Variants in DCAKD observed in about 807,000 individuals in gnomAD.
DCAKD encodes dephospho-CoA kinase domain containing.
In DCAKD, 15 loss-of-function variants were observed where a neutral mutation model predicts 18.7. That is an observed-to-expected ratio of 0.80 (90% CI 0.54 to 1.24). DCAKD has a LOEUF of 1.24. Among genes scored for constraint, DCAKD ranks in the 50% most tolerant of loss-of-function variants. The pLI is 0.00. For missense variants in DCAKD, 301 were observed against 322.0 expected, an observed-to-expected ratio of 0.93 and a Z score of 0.50; for synonymous variants, 130 against 133.0, an observed-to-expected ratio of 0.98 and a Z score of 0.16.
chr17:45,047,131 G>GAAAA, intron 1 of DCAKD, among the ~76,000 whole-genome samples: 1 of 139,762 alleles, frequency 7.2e-6, no homozygotes, highest in Non-Finnish European at 1.6e-5. Flanking sequence ...TGATATTGCT[G>GAAAA]AAAAAAAAAA....
chr17:45,050,058 T>TTTC (rs2053658439), intron 1 of DCAKD, among the ~76,000 whole-genome samples: 3 of 61,124 alleles, frequency 4.9e-5, no homozygotes, highest in Admixed American at 3.4e-4. Flanking sequence ...TTCTTTCTTT[T>TTTC]GAGAAGGAGT....
chr17:45,029,026 T>G (rs7209081), intron 4 of DCAKD, among the ~76,000 whole-genome samples: 1 of 152,058 alleles, frequency 6.6e-6, no homozygotes, highest in African/African-American at 2.4e-5. Context: ...TTAAAAAAAA[T>G]GTTTTTATCC....
upstream of DCAKD, among the ~76,000 whole-genome samples, chr17:45,052,154 C>G (rs995689168): frequency 1.3e-5 from 2 of 151,878 alleles, no homozygotes; most frequent in African/African-American, 4.8e-5. Context: ...GAGCACGGCA[C>G]AGAGGTCCCC....
upstream of DCAKD, chr17:45,061,131 T>C (rs964782602): frequency 4.4e-6 from 6 of 1,354,926 alleles, no homozygotes; most frequent in South Asian, 1.0e-4. Flanking sequence ...CGGGTATCAG[T>C]GGCCCCGCCT....
chr17:45,035,486 A>G lies in DCAKD; in HGVS notation c.-114-487T>C, dbSNP rs1378992245. Among the ~76,000 whole-genome samples the G allele has an allele frequency of 7.9e-5, 12 of 151,082 alleles. No individual in the cohort carries two copies. In the East Asian group the frequency reaches 2.1e-3, roughly 27 times the overall value. On this transcript the variant is annotated intron_variant, in intron 1 of 4. Transcript: ENST00000651974. ...GACAGAACCAGATTCCTTCTAAAAA[A>G]AAAAAAAAAAAAAAAAGCAAACGAA...
intron 1 of DCAKD, among the ~76,000 whole-genome samples, chr17:45,045,121 T>C (rs2053536755): frequency 6.6e-6 from 1 of 151,426 alleles, no homozygotes; most frequent in Non-Finnish European, 1.5e-5. Flanking sequence ...GGCACCTTTA[T>C]CTAGGTATCT....
At chr17:45,045,390 T>C (rs2053543558) in intron 1 of DCAKD, among the ~76,000 whole-genome samples, 1 of 152,192 alleles carries the variant, frequency 6.6e-6, no homozygotes, top group South Asian at 2.1e-4. Flanking sequence ...ATCTGGGTAC[T>C]GCTGTATCCA....
At chr17:45,025,522 G>GA (rs2143158916) in intron 4 of DCAKD, among the ~76,000 whole-genome samples, 1 of 152,178 alleles carries the variant, frequency 6.6e-6, no homozygotes, top group South Asian at 2.1e-4. Context: ...CCTTCCTCAG[G>GA]AAACTCCCTC....
chr17:45,025,409 A>G (rs1256777599), intron 4 of DCAKD, among the ~76,000 whole-genome samples: 2 of 152,204 alleles, frequency 1.3e-5, no homozygotes, highest in Non-Finnish European at 2.9e-5. Context: ...GTTGTGGGAC[A>G]GGATTCAGCA....
chr17:45,032,194 G>T (rs1169101850), intron 3 of DCAKD: 7 of 884,564 alleles, frequency 7.9e-6, no homozygotes, highest in Middle Eastern at 5.6e-4. Flanking sequence ...GGGACGGGAA[G>T]GACACTGGCA....
intron 1 of DCAKD, among the ~76,000 whole-genome samples, chr17:45,041,196 G>A (rs970806286): frequency 2.0e-5 from 3 of 152,028 alleles, no homozygotes; most frequent in African/African-American, 4.8e-5. Context: ...GCCTTCTCCC[G>A]CCTCCTCCTG....
chr17:45,041,734 G>A (rs367999940), intron 1 of DCAKD, among the ~76,000 whole-genome samples: 3 of 152,198 alleles, frequency 2.0e-5, no homozygotes, highest in Non-Finnish European at 4.4e-5. Context: ...CACCAGGCAC[G>A]AGAAGGGGTG....
rs766580632 is a variant in DCAKD, at chr17:45,024,667, G to A, written c.462C>T (p.Asp154=). The stretch of plus-strand genomic sequence containing the variant: ...GCTGGGCATTGATGCGGGCCTCTGC[G>A]TCCTTGCGGTTCAGGCTGTTCCGCC... ...LMRRNSLNRK[D]AEARINAQLP... is the part of the protein sequence containing the mutation. The change falls in exon 5 of 5, where the codon GAC becomes GAT. Residue 154 remains aspartate (D), a synonymous_variant. Transcript: ENST00000651974. The A allele has an allele frequency of 1.6e-5, 26 of 1,608,506 alleles. No individual in the cohort carries two copies. Among genetic ancestry groups the A allele is most frequent in the Middle Eastern group, 1.6e-4 (1 of 6,062 alleles).
chr17:45,024,739 A>G lies in DCAKD; in HGVS notation c.405-15T>C. On this transcript the variant is annotated splice_polypyrimidine_tract_variant and intron_variant, in intron 4 of 4. Transcript: ENST00000651974. ...TGTCCCGGTCGCTAAGGATAGGGCA[A>G]AAGGGCACTGTAGGTCCTGCCTCCC... 1 of 1,549,428 alleles carries G rather than the reference A, an allele frequency of 6.5e-7. No homozygotes were observed. Among genetic ancestry groups the G allele is most frequent in the Non-Finnish European group, 8.7e-7 (1 of 1,144,768 alleles).
intron 1 of DCAKD, among the ~76,000 whole-genome samples, chr17:45,044,716 TAA>T (rs2053525604): frequency 6.6e-6 from 1 of 151,064 alleles, no homozygotes; most frequent in Non-Finnish European, 1.5e-5. Flanking sequence ...AATAAATAAA[TAA>T]ATAAATAAAT....
At chr17:45,055,970 A>G (rs550186307), upstream of DCAKD, among the ~76,000 whole-genome samples, 1 of 152,292 alleles carries the variant, frequency 6.6e-6, no homozygotes, top group East Asian at 1.9e-4. Context: ...CCTGGCCAAC[A>G]TGGTGAAACC....
At chr17:45,035,835 C>T (rs2053284392) in intron 1 of DCAKD, among the ~76,000 whole-genome samples, 2 of 152,302 alleles carry the variant, frequency 1.3e-5, no homozygotes, top group East Asian at 1.9e-4. Context: ...ACAGAAGGTC[C>T]CATGGATCAC....
chr17:45,034,818 T>C lies in DCAKD; in HGVS notation c.68A>G (p.Gln23Arg). The change falls in exon 2 of 5, where the codon CAG becomes CGG. Residue 23 changes from glutamine (Q) to arginine (R), a missense_variant. Coordinates refer to ENST00000651974, the MANE Select transcript of DCAKD (RefSeq NM_001288655.2). ...CACGTCAATCACCGCACAGCCCAGC[T>C]GCTGGAACACCTGGATCACTGAGCT... ...GKSSVIQVFQQLGCAVIDVDV... is the reference protein window; with the variant it reads ...GKSSVIQVFQRLGCAVIDVDV... The C allele has an allele frequency of 6.2e-7, 1 of 1,614,200 alleles. No individual in the cohort carries two copies. Among genetic ancestry groups the C allele is most frequent in the Non-Finnish European group, 8.5e-7 (1 of 1,180,034 alleles).
chr17:45,048,562 G>A (rs942887046), intron 1 of DCAKD, among the ~76,000 whole-genome samples: 9 of 152,016 alleles, frequency 5.9e-5, no homozygotes, highest in Non-Finnish European at 1.0e-4. Flanking sequence ...GCTTGAAACC[G>A]GGAGGCAGAC....
Sources: gnomAD v4.1 joint callset for allele counts (sites outside exome capture counted in the v4.1 genomes callset) on GRCh38, gnomAD v4.1.1 for gene constraint, MANE v1.5 for transcripts, NCBI Gene and HGNC (gene_info 2026-07-23, HGNC 2026-07-21) for gene names.